The following CNTN5 variants were observed in gnomAD, a reference collection of about 807,000 sequenced individuals.
CNTN5 encodes the protein contactin-5.
CNTN5 carries 77 observed loss-of-function variants against 129.1 expected under a neutral mutation model. The ratio of observed to expected loss-of-function variants is 0.60; its 90% CI spans 0.50 to 0.72. The LOEUF (loss-of-function observed/expected upper bound fraction) is 0.72, where lower values mean the gene tolerates loss of function less well. CNTN5 is among the 30% of genes least tolerant of loss of function. The pLI, the probability that CNTN5 is intolerant of heterozygous loss-of-function variation, is 0.00. For missense variants in CNTN5, 1,478 were observed against 1,328.8 expected, an observed-to-expected ratio of 1.11 and a Z score of -1.75; for synonymous variants, 509 against 465.6, an observed-to-expected ratio of 1.09 and a Z score of -1.20.
At chr11:99,124,624 A>C (rs1252956749) in intron 1 of CNTN5, among the ~76,000 whole-genome samples, 1 of 152,084 alleles carries the variant, frequency 6.6e-6, no homozygotes, top group East Asian at 1.9e-4. Context: ...ATCAGAGCTA[A>C]ACTGAAGGAA....
At chr11:100,256,682 C>T (rs755122581) in intron 17 of CNTN5, among the ~76,000 whole-genome samples, 1 of 151,982 alleles carries the variant, frequency 6.6e-6, no homozygotes, top group Admixed American at 6.5e-5. Context: ...ATTGCCTCAC[C>T]CAGGAAGCAT....
chr11:99,806,723 C>G (rs530300861), intron 3 of CNTN5, among the ~76,000 whole-genome samples: 121 of 151,292 alleles, frequency 8.0e-4, no homozygotes, highest in African/African-American at 2.7e-3. Context: ...AGGAGAATCC[C>G]TTGAACCTGG....
At chr11:99,577,788 C>A (rs919360824) in intron 3 of CNTN5, among the ~76,000 whole-genome samples, 2 of 150,688 alleles carry the variant, frequency 1.3e-5, no homozygotes, top group African/African-American at 4.9e-5. Context: ...TTGTGCAGAT[C>A]TTTATAGTGA....
intron 3 of CNTN5, among the ~76,000 whole-genome samples, chr11:99,724,243 C>T (rs1202989470): frequency 3.9e-5 from 6 of 152,042 alleles, no homozygotes; most frequent in Admixed American, 3.9e-4. Flanking sequence ...TTTTCTAAGA[C>T]ATTTCAAGTG....
intron 1 of CNTN5, among the ~76,000 whole-genome samples, chr11:99,023,655 G>A (rs1397590611): frequency 6.6e-6 from 1 of 152,186 alleles, no homozygotes; most frequent in Non-Finnish European, 1.5e-5. Context: ...TCCTTCATCA[G>A]TCAAAAACTA....
At chr11:100,300,351 G>A (rs1252796059) in intron 20 of CNTN5, among the ~76,000 whole-genome samples, 4 of 151,248 alleles carry the variant, frequency 2.6e-5, no homozygotes, top group Admixed American at 2.0e-4. Context: ...AACCTTACAA[G>A]TGGGGGAAAA....
intron 21 of CNTN5, among the ~76,000 whole-genome samples, chr11:100,325,461 A>G (rs775273569): frequency 1.3e-5 from 2 of 152,180 alleles, no homozygotes; most frequent in Non-Finnish European, 2.9e-5. Context: ...AGTGAGTGGT[A>G]TAAAACAAAG....
chr11:99,118,519 T>C (rs1306564167), intron 1 of CNTN5, among the ~76,000 whole-genome samples: 1 of 152,104 alleles, frequency 6.6e-6, no homozygotes, highest in Non-Finnish European at 1.5e-5. Context: ...TTCATTGTAT[T>C]CTAAGGATTC....
intron 3 of CNTN5, among the ~76,000 whole-genome samples, chr11:99,630,924 C>G (rs1951324395): frequency 6.6e-6 from 1 of 152,108 alleles, no homozygotes; most frequent in Non-Finnish European, 1.5e-5. Context: ...CTGTTATTTT[C>G]CCTAACTCAT....
At chr11:99,849,298 T>G (rs2135717006) in intron 6 of CNTN5, among the ~76,000 whole-genome samples, 1 of 151,914 alleles carries the variant, frequency 6.6e-6, no homozygotes, top group Middle Eastern at 3.4e-3. Flanking sequence ...AAGAAAACTT[T>G]GATTTTTAGT....
At chr11:99,659,944 A>G (rs868044218) in intron 3 of CNTN5, among the ~76,000 whole-genome samples, 1 of 152,162 alleles carries the variant, frequency 6.6e-6, no homozygotes. Context: ...TGAGCCACAC[A>G]TGTGGGCAGC....
intron 18 of CNTN5, among the ~76,000 whole-genome samples, chr11:100,293,924 T>G (rs1354380954): frequency 1.3e-5 from 2 of 151,766 alleles, no homozygotes. Flanking sequence ...TTAGAATCAA[T>G]TAATTGAAAT....
At chr11:99,135,040 C>T (rs1266471485) in intron 1 of CNTN5, among the ~76,000 whole-genome samples, 1 of 152,116 alleles carries the variant, frequency 6.6e-6, no homozygotes, top group East Asian at 1.9e-4. Flanking sequence ...CCACGTAGAA[C>T]ACTATAATAT....
At chr11:99,646,829 GA>G (rs1230606618) in intron 3 of CNTN5, among the ~76,000 whole-genome samples, 7 of 136,888 alleles carry the variant, frequency 5.1e-5, no homozygotes, top group East Asian at 4.3e-4. Flanking sequence ...AAAAAAAAAG[GA>G]AAAAAACCCT....
At chr11:100,154,859 TTGATGGGTTTTTTTTCTTGTAAA>T (rs1255678789) in intron 13 of CNTN5, among the ~76,000 whole-genome samples, 1 of 152,050 alleles carries the variant, frequency 6.6e-6, no homozygotes. Flanking sequence ...TGCCTACTTT[TTGATGGGTTTTTTTTCTTGTAAA>T]TTTGTTTGAG....
intron 18 of CNTN5, among the ~76,000 whole-genome samples, chr11:100,272,115 A>G (rs1215108826): frequency 1.3e-5 from 2 of 152,170 alleles, no homozygotes; most frequent in Non-Finnish European, 2.9e-5. Context: ...AGAAATAACA[A>G]ATGCTAATGT....
At chr11:99,707,399 T>C (rs1034387632) in intron 3 of CNTN5, among the ~76,000 whole-genome samples, 1 of 151,702 alleles carries the variant, frequency 6.6e-6, no homozygotes, top group Non-Finnish European at 1.5e-5. Context: ...CTATTCCCCA[T>C]TTGATTATCT....
rs974990825 is a variant in CNTN5 at position 100,239,846 on chromosome 11, G to T, written c.2005+15034G>T. 2.0e-5 allele frequency among the ~76,000 whole-genome samples: 3 copies of T among 152,148 alleles called. No homozygotes were observed. The East Asian group carries it at 5.8e-4, about 29-fold the overall frequency. Reference sequence around the variant, plus strand: ...CAGCATTCTCATTTGTCAGCACTCTGATTTGGTTAATTTAAATGTTCATTA... The same window carrying T: ...CAGCATTCTCATTTGTCAGCACTCTTATTTGGTTAATTTAAATGTTCATTA... On this transcript the variant is annotated intron_variant, in intron 16 of 24. Transcript: ENST00000524871.
intron 2 of CNTN5, among the ~76,000 whole-genome samples, chr11:99,356,758 T>A (rs1938700675): frequency 6.6e-6 from 1 of 152,200 alleles, no homozygotes; most frequent in Admixed American, 6.5e-5. Flanking sequence ...GAAAATAGAA[T>A]TATATTTAGT....
Sources: gnomAD v4.1 joint callset for allele counts (sites outside exome capture counted in the v4.1 genomes callset) on GRCh38, gnomAD v4.1.1 for gene constraint, MANE v1.5 for transcripts, NCBI Gene and HGNC (gene_info 2026-07-23, HGNC 2026-07-21) for gene names.